Variants in IL4R observed in about 807,000 individuals in gnomAD.
IL4R encodes the protein interleukin 4 receptor.
Under a neutral mutation model 41.5 loss-of-function variants are expected in IL4R, and 17 were observed. The observed-to-expected ratio is 0.41, with a 90% confidence interval of 0.28 to 0.61. The LOEUF is 0.61. Among genes scored for constraint, IL4R ranks in the 20% least tolerant of loss-of-function variants. The pLI is 0.31. For missense variants in IL4R, 974 were observed against 1,043.1 expected (o/e 0.93, Z 0.91); for synonymous variants, 402 against 422.9 (o/e 0.95, Z 0.61).
At chr16:27,331,139 G>C (rs982006416) in intron 2 of IL4R, among the ~76,000 whole-genome samples, 2 of 152,102 alleles carry the variant, frequency 1.3e-5, no homozygotes, top group South Asian at 4.1e-4. Flanking sequence ...TTGACCTGAG[G>C]TCCTCACTTG....
chr16:27,336,969 C>G (rs979952993), intron 2 of IL4R, among the ~76,000 whole-genome samples: 3 of 152,054 alleles, frequency 2.0e-5, no homozygotes, highest in African/African-American at 7.2e-5. Context: ...CCCAGCTACT[C>G]AGAAGGCTGA....
At chr16:27,315,469 A>G (rs1429103215) in intron 1 of IL4R, 1 of 152,466 alleles carries the variant, frequency 6.6e-6, no homozygotes, top group Admixed American at 6.5e-5. Context: ...GAGGGTGCGG[A>G]TGCACCAGCG....
intron 9 of IL4R, chr16:27,359,812 CAGTT>C: frequency 4.4e-6 from 2 of 456,778 alleles, no homozygotes; most frequent in Non-Finnish European, 8.8e-6. Flanking sequence ...ATTTATGTAT[CAGTT>C]AGTGTTTGCT....
rs200822191 is a variant in IL4R, at chr16:27,363,683, G to T, written c.2331G>T (p.Pro777=). Residue 777 remains proline (P), a synonymous_variant, in exon 11 of 11, where the codon CCG becomes CCT. Transcript: ENST00000395762. The part of the protein sequence containing the change: ...GGVPLEASLC[P]ASLAPSGISE... ...TTCCACTGGAGGCCAGTCTGTGTCC[G>T]GCCTCCCTGGCACCCTCGGGCATCT... 3 of 1,613,760 alleles carry T rather than the reference G, an allele frequency of 1.9e-6. No individual in the cohort carries two copies. The highest frequency in any genetic ancestry group is 4.5e-5 in the East Asian group (2 of 44,870).
At chr16:27,323,441 A>G (rs1459366247) in intron 1 of IL4R, among the ~76,000 whole-genome samples, 1 of 152,178 alleles carries the variant, frequency 6.6e-6, no homozygotes, top group East Asian at 1.9e-4. Context: ...AAGCAAGTTT[A>G]TGACTGCTTC....
rs1316439220 is a variant in IL4R, at chr16:27,340,244, G to T, written c.41G>T (p.Cys14Phe). ...LCSGLLFPVS[C>F]LVLLQVASSG... ...TCTGGGCTCCTGTTCCCTGTGAGCTGCCTGGTCCTGCTGCAGGTGGCAAGC... is the reference window on the plus strand; with the variant it reads ...TCTGGGCTCCTGTTCCCTGTGAGCTTCCTGGTCCTGCTGCAGGTGGCAAGC... The change falls in exon 3 of 11, where the codon TGC becomes TTC. Residue 14 changes from cysteine (C) to phenylalanine (F), a missense_variant. Transcript: ENST00000395762. The T allele has an allele frequency of 6.2e-7, 1 of 1,613,860 alleles. No homozygotes were observed. The highest frequency in any genetic ancestry group is 8.5e-7 in the Non-Finnish European group (1 of 1,179,936).
chr16:27,318,211 C>T (rs939519277), intron 1 of IL4R, among the ~76,000 whole-genome samples: 1 of 152,164 alleles, frequency 6.6e-6, no homozygotes, highest in Non-Finnish European at 1.5e-5. Flanking sequence ...TGCAATTGAT[C>T]TTTGGGTGCT....
chr16:27,342,854 T>A (rs540388194), intron 4 of IL4R, among the ~76,000 whole-genome samples: 1 of 152,282 alleles, frequency 6.6e-6, no homozygotes, highest in South Asian at 2.1e-4. Flanking sequence ...AATCTTCAGA[T>A]CAATTACATG....
chr16:27,316,487 G>C (rs2084656048), intron 1 of IL4R, among the ~76,000 whole-genome samples: 2 of 152,188 alleles, frequency 1.3e-5, no homozygotes, highest in African/African-American at 4.8e-5. Flanking sequence ...GGGATTAGAT[G>C]CCCCACCTCT....
chr16:27,344,975 G>C lies in IL4R; in HGVS notation c.316G>C (p.Gly106Arg). 1 of 1,613,998 alleles carries C rather than the reference G, an allele frequency of 6.2e-7. No individual in the cohort carries two copies. Among genetic ancestry groups the C allele is most frequent in the South Asian group, 1.1e-5 (1 of 91,080 alleles). ...TAACTATACACTGGACCTGTGGGCT[G>C]GGCAGCAGCTGCTGTGGAAGGGCTC... ...ADNYTLDLWAGQQLLWKGSFK... is the reference protein window; with the variant it reads ...ADNYTLDLWARQQLLWKGSFK... The change falls in exon 5 of 11, where the codon GGG (glycine) becomes CGG (arginine). Residue 106 changes from glycine to arginine, a missense_variant. Coordinates refer to ENST00000395762, the MANE Select transcript of IL4R (RefSeq NM_000418.4).
chr16:27,320,948 CT>C (rs201149622), intron 1 of IL4R, among the ~76,000 whole-genome samples: 125 of 143,214 alleles, frequency 8.7e-4, no homozygotes, highest in Middle Eastern at 3.5e-3. Flanking sequence ...TTCTTTCTTT[CT>C]TTTTTTTTTT....
intron 1 of IL4R, among the ~76,000 whole-genome samples, chr16:27,324,781 C>CA (rs1360591514): frequency 3.3e-5 from 5 of 152,176 alleles, no homozygotes; most frequent in Non-Finnish European, 7.3e-5. Context: ...TGTGTGGACT[C>CA]AAAGTGTCCA....
At chr16:27,317,290 C>G (rs569285042) in intron 1 of IL4R, among the ~76,000 whole-genome samples, 2 of 152,244 alleles carry the variant, frequency 1.3e-5, no homozygotes, top group Admixed American at 1.3e-4. Context: ...AACTGAGACC[C>G]GGAGATGAAT....
chr16:27,352,343 G>A (rs367991462), intron 6 of IL4R, among the ~76,000 whole-genome samples, 197 bp from the exon 7 acceptor site: 7 of 152,252 alleles, frequency 4.6e-5, no homozygotes, highest in African/African-American at 7.2e-5. Flanking sequence ...CTAATTAGTC[G>A]AGGAGCCTGA....
chr16:27,362,499 A>T lies in IL4R; in HGVS notation c.1147A>T (p.Ser383Cys). The change falls in exon 11 of 11, where the codon AGC becomes TGC. Residue 383 changes from serine (S) to cysteine (C), a missense_variant. By Grantham distance (112) the Ser-to-Cys change is moderately radical (BLOSUM62 -1). Coordinates refer to ENST00000395762, the MANE Select transcript of IL4R (RefSeq NM_000418.4). ...GGAGGAGGTAGAGGAAGAAAAAGGGAGCTTCTGTGCATCGCCTGAGAGCAG... is the reference window on the plus strand; with the variant it reads ...GGAGGAGGTAGAGGAAGAAAAAGGGTGCTTCTGTGCATCGCCTGAGAGCAG... ...EEEEVEEEKG[S>C]FCASPESSRD... is the part of the protein sequence containing the mutation. 2 of 1,614,026 alleles carry T rather than the reference A, an allele frequency of 1.2e-6. No individual in the cohort carries two copies. Among genetic ancestry groups the T allele is most frequent in the Non-Finnish European group, 1.7e-6 (2 of 1,180,020 alleles).
intron 6 of IL4R, among the ~76,000 whole-genome samples, 168 bp from the exon 7 acceptor site, chr16:27,352,372 G>C (rs939608103): frequency 6.6e-6 from 1 of 152,152 alleles, no homozygotes; most frequent in Non-Finnish European, 1.5e-5. Context: ...GCTGTAGCCT[G>C]GTCACAGTTA....
chr16:27,342,300 C>G, intron 4 of IL4R, 41 bp downstream of exon 4: 1 of 1,612,590 alleles, frequency 6.2e-7, no homozygotes, highest in Non-Finnish European at 8.5e-7. Context: ...GAGGTTGTGC[C>G]CAAAGGGTTT....
chr16:27,343,048 A>T (rs538281401), intron 4 of IL4R, among the ~76,000 whole-genome samples: 2 of 152,284 alleles, frequency 1.3e-5, no homozygotes, highest in African/African-American at 2.4e-5. Flanking sequence ...GTCCTCTGTG[A>T]TGGTGGATGG....
intron 1 of IL4R, among the ~76,000 whole-genome samples, chr16:27,325,353 C>T (rs992200979): frequency 3.3e-5 from 5 of 152,098 alleles, no homozygotes; most frequent in African/African-American, 4.8e-5. Context: ...GGGTGGATCA[C>T]CTGAGGTCAG....
Sources: gnomAD v4.1 joint callset for allele counts (sites outside exome capture counted in the v4.1 genomes callset) on GRCh38, gnomAD v4.1.1 for gene constraint, MANE v1.5 for transcripts, NCBI Gene and HGNC (gene_info 2026-07-23, HGNC 2026-07-21) for gene names.